The following ATP8A1 variants were observed in gnomAD, a reference collection of about 807,000 sequenced individuals.
The protein encoded by ATP8A1 is phospholipid-transporting ATPase IA.
ATP8A1 carries 90 observed loss-of-function variants against 177.7 expected under a neutral mutation model. That is an observed-to-expected ratio of 0.51 (90% CI 0.43 to 0.60). The LOEUF is 0.60. Among genes scored for constraint, ATP8A1 ranks in the 20% least tolerant of loss-of-function variants. The pLI is 0.00. For missense variants in ATP8A1, 1,072 were observed against 1,392.8 expected, an observed-to-expected ratio of 0.77 and a Z score of 3.67; for synonymous variants, 493 against 485.9, an observed-to-expected ratio of 1.01 and a Z score of -0.19.
At chr4:42,547,556 TG>T (rs1553901469) in intron 19 of ATP8A1, among the ~76,000 whole-genome samples, 1 of 152,192 alleles carries the variant, frequency 6.6e-6, no homozygotes, top group Non-Finnish European at 1.5e-5. Flanking sequence ...CGTATCTAAA[TG>T]GCAATTAATA....
At chr4:42,552,904 G>A (rs1010444767) in intron 16 of ATP8A1, among the ~76,000 whole-genome samples, 5 of 152,122 alleles carry the variant, frequency 3.3e-5, no homozygotes, top group Admixed American at 6.5e-5. Context: ...GCTTGAACCC[G>A]GGAGGCGGGA....
chr4:42,490,522 T>G (rs1578038892), intron 24 of ATP8A1, among the ~76,000 whole-genome samples: 1 of 152,210 alleles, frequency 6.6e-6, no homozygotes, highest in South Asian at 2.1e-4. Context: ...CCTGTTTTAC[T>G]GAGAACATTT....
intron 24 of ATP8A1, among the ~76,000 whole-genome samples, chr4:42,494,966 C>T (rs1723116321): frequency 6.6e-6 from 1 of 152,078 alleles, no homozygotes; most frequent in Admixed American, 6.5e-5. Flanking sequence ...ACAAAAACAC[C>T]ACCAGCACCT....
At chr4:42,583,272 A>G (rs763649686) in intron 9 of ATP8A1, among the ~76,000 whole-genome samples, 1 of 152,248 alleles carries the variant, frequency 6.6e-6, no homozygotes, top group Non-Finnish European at 1.5e-5. Flanking sequence ...TAGAGAAAGA[A>G]CAAAGCAATT....
At chr4:42,551,124 G>T (rs552401599) in intron 18 of ATP8A1, 74 bp downstream of exon 18, 3 of 1,226,586 alleles carry the variant, frequency 2.4e-6, no homozygotes, top group East Asian at 4.7e-5. Context: ...TGAGCCTTTT[G>T]GTATTACTTT....
chr4:42,441,665 C>T (rs1005521579), intron 33 of ATP8A1, among the ~76,000 whole-genome samples: 4 of 152,108 alleles, frequency 2.6e-5, no homozygotes, highest in African/African-American at 4.8e-5. Context: ...ACCCACATCC[C>T]ACCACACCCA....
intron 30 of ATP8A1, among the ~76,000 whole-genome samples, chr4:42,448,657 C>T (rs376605118): frequency 1.4e-4 from 21 of 151,236 alleles, no homozygotes; most frequent in East Asian, 1.2e-3. Context: ...CTTGGGCTCC[C>T]GAAGTGCTGG....
At chr4:42,461,245 TTTC>T (rs1395842016) in intron 27 of ATP8A1, among the ~76,000 whole-genome samples, 1,683 of 16,936 alleles carry the variant, frequency 0.099, 56 homozygotes, top group African/African-American at 0.11. Context: ...CAATTTTTTC[TTTC>T]TTTTTTTTTT....
chr4:42,604,646 T>C (rs1409033697), intron 5 of ATP8A1, among the ~76,000 whole-genome samples: 1 of 152,208 alleles, frequency 6.6e-6, no homozygotes, highest in Non-Finnish European at 1.5e-5. Context: ...TAAGCACAGT[T>C]ACCACAGACC....
chr4:42,589,163 T>C (rs1733915069), intron 7 of ATP8A1, among the ~76,000 whole-genome samples: 1 of 152,202 alleles, frequency 6.6e-6, no homozygotes, highest in Non-Finnish European at 1.5e-5. Context: ...TTTCACATGC[T>C]GATTTGACTT....
rs779852825 is a variant in ATP8A1, at chr4:42,503,489, C to T, written c.2112G>A (p.Lys704=). ...NIGHSCKLLK[K]NMGMIVINEG... ...CATTTATAACAATCATTCCCATGTT[C>T]TTCTTCAACAGTTTGCAGGAGTGTC... Residue 704 remains lysine, a synonymous_variant, in exon 24 of 37, where the codon AAG becomes AAA. Coordinates refer to ENST00000381668, the MANE Select transcript of ATP8A1 (RefSeq NM_006095.2). 8 of 1,608,078 alleles carry T rather than the reference C, an allele frequency of 5.0e-6. No homozygotes were observed. The highest frequency in any genetic ancestry group is 6.8e-6 in the Non-Finnish European group (8 of 1,176,254).
intron 1 of ATP8A1, among the ~76,000 whole-genome samples, chr4:42,638,265 T>C (rs1029426384): frequency 6.6e-6 from 1 of 152,210 alleles, no homozygotes; most frequent in Non-Finnish European, 1.5e-5. Flanking sequence ...AGGGAATTGA[T>C]TTAAAAATAA....
At chr4:42,571,540 C>T (rs563752456) in intron 14 of ATP8A1, among the ~76,000 whole-genome samples, 6 of 151,594 alleles carry the variant, frequency 4.0e-5, no homozygotes, top group African/African-American at 1.5e-4. Context: ...ATTTGTGGCC[C>T]CTGAACAGAG....
intron 25 of ATP8A1, among the ~76,000 whole-genome samples, chr4:42,477,325 A>C (rs775645712): frequency 5.9e-5 from 9 of 152,224 alleles, no homozygotes; most frequent in Non-Finnish European, 1.0e-4. Context: ...CCAAGTTATA[A>C]ATTCAGTAAT....
At chr4:42,508,493 C>A (rs146677913) in intron 22 of ATP8A1, among the ~76,000 whole-genome samples, 1 of 152,160 alleles carries the variant, frequency 6.6e-6, no homozygotes, top group African/African-American at 2.4e-5. Flanking sequence ...AGATGGTAAG[C>A]GGGAGAGAAC....
intron 24 of ATP8A1, among the ~76,000 whole-genome samples, chr4:42,496,757 C>CAT (rs971383580): frequency 5.9e-5 from 9 of 151,960 alleles, no homozygotes; most frequent in Admixed American, 2.6e-4. Context: ...CATATACACA[C>CAT]ATATATATAC....
intron 1 of ATP8A1, among the ~76,000 whole-genome samples, chr4:42,636,436 A>G (rs1254841541): frequency 6.6e-6 from 1 of 152,140 alleles, no homozygotes; most frequent in Non-Finnish European, 1.5e-5. Context: ...CATGAAAAGA[A>G]GGAACCACTA....
intron 22 of ATP8A1, among the ~76,000 whole-genome samples, chr4:42,515,197 A>G (rs1725409892): frequency 6.6e-6 from 1 of 152,220 alleles, no homozygotes; most frequent in Non-Finnish European, 1.5e-5. Flanking sequence ...CTAACTATAA[A>G]TGTTCTTAAG....
At chr4:42,548,259 G>A (rs1434271113) in intron 19 of ATP8A1, among the ~76,000 whole-genome samples, 1 of 152,050 alleles carries the variant, frequency 6.6e-6, no homozygotes, top group African/African-American at 2.4e-5. Flanking sequence ...TTAGAATGCC[G>A]GCTTCCTGAT....
Sources: gnomAD v4.1 joint callset for allele counts (sites outside exome capture counted in the v4.1 genomes callset) on GRCh38, gnomAD v4.1.1 for gene constraint, MANE v1.5 for transcripts, NCBI Gene and HGNC (gene_info 2026-07-23, HGNC 2026-07-21) for gene names.